The following SPTBN5 variants were observed in gnomAD, a reference collection of about 807,000 sequenced individuals.
SPTBN5 encodes the protein spectrin beta, non-erythrocytic 5.
Under a neutral mutation model 477.6 loss-of-function variants are expected in SPTBN5, and 513 were observed. The ratio of observed to expected loss-of-function variants is 1.07; its 90% CI spans 1.00 to 1.16. SPTBN5 has a LOEUF of 1.16. Among genes scored for constraint, SPTBN5 ranks in the 50% most tolerant of loss-of-function variants. SPTBN5 has a pLI of 0.00. For missense variants in SPTBN5, 5,062 were observed against 4,731.8 expected (o/e 1.07, Z -2.05); for synonymous variants, 2,169 against 2,011.7 (o/e 1.08, Z -2.09).
rs1389798448 is a variant in SPTBN5 at position 41,851,048 on chromosome 15, T to C, written c.10835+11A>G. On this transcript the variant is annotated intron_variant, in intron 65 of 67. Transcript: ENST00000320955. ...TGGGGGTGATGCCGGAGTCCATGTC[T>C]CTCCGCTCACCTTAAGGAGAATGTG... 2 of 1,609,536 alleles carry C rather than the reference T, an allele frequency of 1.2e-6. No homozygotes were observed. Among genetic ancestry groups the C allele is most frequent in the South Asian group, 1.1e-5 (1 of 90,242 alleles).
At chr15:41,879,536 A>T in intron 15 of SPTBN5, 37 bp from the exon 16 acceptor site, 1 of 1,525,668 alleles carries the variant, frequency 6.6e-7, no homozygotes, top group Non-Finnish European at 8.8e-7. Context: ...CACAACAGGG[A>T]CACCTCCCCA....
Position 41,868,414 on chromosome 15 carries a change from C to T in SPTBN5, c.6041G>A (p.Gly2014Glu). Residue 2014 changes from glycine (G) to glutamate (E), a missense_variant, in exon 33 of 68, where the codon GGG (glycine) becomes GAG (glutamate). Coordinates refer to ENST00000320955, the MANE Select transcript of SPTBN5 (RefSeq NM_016642.4). The part of the protein sequence containing the change: ...QLGQQALLAA[G>E]TPTKEVQEEL... The stretch of plus-strand genomic sequence containing the variant: ...GGGGCCCACCTCCTTGGTGGGTGTC[C>T]CTGCAGCAAGAAGTGCCTGCTGCCC... 1 of 1,604,018 alleles carries T rather than the reference C, an allele frequency of 6.2e-7. No individual in the cohort carries two copies. The highest frequency in any genetic ancestry group is 8.5e-7 in the Non-Finnish European group (1 of 1,174,200).
chr15:41,852,902 C>A lies in SPTBN5; in HGVS notation c.10269G>T (p.Gln3423His), dbSNP rs372964476. 2.1e-4 allele frequency: 338 copies of A among 1,607,190 alleles called. 1 individual carries two copies. The highest frequency in any genetic ancestry group is 9.3e-4 in the Admixed American group (55 of 59,148). Reference sequence around the variant, plus strand: ...CCTGCTCCAGCCTCTGCCGAAGCTTCTGCAGGCCCCAGCTCTCGGCACAGC... The same window carrying A: ...CCTGCTCCAGCCTCTGCCGAAGCTTATGCAGGCCCCAGCTCTCGGCACAGC... Reference protein sequence around the residue: ...WQRCAESWGLQKLRQRLEQAE... With the variant: ...WQRCAESWGLHKLRQRLEQAE... Residue 3423 changes from glutamine to histidine, a missense_variant, in exon 60 of 68, where the codon CAG becomes CAT. Physicochemically the swap from Gln to His is conservative, Grantham distance 24. Coordinates refer to ENST00000320955, the MANE Select transcript of SPTBN5 (RefSeq NM_016642.4).
intron 32 of SPTBN5, 70 bp from the exon 33 acceptor site, chr15:41,868,671 G>C: frequency 6.6e-7 from 1 of 1,507,482 alleles, no homozygotes; most frequent in Non-Finnish European, 9.0e-7. Context: ...AGGTGCTGAG[G>C]CAACTGCAGC....
rs2067008626 is a variant in SPTBN5, at chr15:41,882,623, C to T, written c.2008G>A (p.Asp670Asn). 6.2e-7 allele frequency: 1 copy of T among 1,606,806 alleles called. No individual in the cohort carries two copies. Among genetic ancestry groups the T allele is most frequent in the Non-Finnish European group, 8.5e-7 (1 of 1,177,606 alleles). ...AGGGCGCCTGCGATCTGGCTGAGAT[C>T]CCGGCCCAGGGCCGCATTCCCCACC... ...QRVGNAALGR[D>N]LSQIAGALQK... The change falls in exon 10 of 68, where the codon GAT (aspartate) becomes AAT (asparagine). Residue 670 changes from aspartate (D) to asparagine (N), a missense_variant. Physicochemically the swap from Asp to Asn is conservative, Grantham distance 23 (BLOSUM62 1). Transcript: ENST00000320955.
Position 41,874,002 on chromosome 15 carries a change from C to T in SPTBN5, c.4733G>A (p.Arg1578Gln), listed in dbSNP as rs200903669. ...CAGGCTCCGCCCAGAACTCAGCACC[C>T]GTTGCACCTGCCCCTGGTGAGCTTT... ...EVKAHQGQVQ[R>Q]VLSSGRSLAA... The change falls in exon 25 of 68, where the codon CGG becomes CAG. Residue 1578 changes from arginine to glutamine, a missense_variant. By Grantham distance (43) the Arg-to-Gln change is conservative. Coordinates refer to ENST00000320955, the MANE Select transcript of SPTBN5 (RefSeq NM_016642.4). 225 of 1,602,856 alleles carry T rather than the reference C, an allele frequency of 1.4e-4. No homozygotes were observed. The highest frequency in any genetic ancestry group is 1.7e-4 in the Non-Finnish European group (203 of 1,179,584).
chr15:41,855,571 C>T lies in SPTBN5; in HGVS notation c.9196G>A (p.Glu3066Lys). Residue 3066 changes from glutamate (E) to lysine (K), a missense_variant, in exon 54 of 68, where the codon GAG becomes AAG. Glu to Lys is a moderately conservative substitution (Grantham distance 56, BLOSUM62 1). Coordinates refer to ENST00000320955, the MANE Select transcript of SPTBN5 (RefSeq NM_016642.4). ...CACCTTTCTGGGTTCTTCCTGCTCT[C>T]CAGGAGTGCTGCTGTCTGCTGCAGC... Reference protein sequence around the residue: ...ERLQQTAALLESRKNPESPKV... With the variant: ...ERLQQTAALLKSRKNPESPKV... The T allele has an allele frequency of 1.2e-6, 2 of 1,612,046 alleles. No individual in the cohort carries two copies. Among genetic ancestry groups the T allele is most frequent in the Non-Finnish European group, 8.5e-7 (1 of 1,179,596 alleles).
chr15:41,874,837 C>T lies in SPTBN5; in HGVS notation c.4502+5G>A, dbSNP rs1404949508. On this transcript the variant is annotated splice_donor_5th_base_variant and intron_variant, in intron 23 of 67. Coordinates refer to ENST00000320955, the MANE Select transcript of SPTBN5 (RefSeq NM_016642.4). ...CACACAGGTGGGTGGGAGGACAGAC[C>T]CCACCTCCGGAGGTGCTTCTGGGTC... 2 of 1,599,544 alleles carry T rather than the reference C, an allele frequency of 1.3e-6. No homozygotes were observed. The highest frequency in any genetic ancestry group is 3.4e-5 in the Admixed American group (2 of 59,650).
intron 7 of SPTBN5, 115 bp downstream of exon 7, chr15:41,885,620 C>T: frequency 1.6e-6 from 2 of 1,280,840 alleles, no homozygotes; most frequent in South Asian, 3.0e-5. Flanking sequence ...GATCCCTGAA[C>T]CCATAAATCA....
Position 41,858,680 on chromosome 15 carries a change from C to A in SPTBN5, c.8148G>T (p.Leu2716=), listed in dbSNP as rs369073434. ...LEEGLLDTAM[L]PAQLQKQQNF... Reference sequence around the variant, plus strand: ...TCTGCTGCTTCTGTAACTGTGCTGGCAGCATGGCTGTGTCCAGCAAACCCT... The same window carrying A: ...TCTGCTGCTTCTGTAACTGTGCTGGAAGCATGGCTGTGTCCAGCAAACCCT... Residue 2716 remains leucine, a synonymous_variant, in exon 49 of 68, where the codon CTG becomes CTT. Transcript: ENST00000320955. The A allele has an allele frequency of 7.5e-6, 12 of 1,610,532 alleles. No homozygotes were observed. In the African/African-American group the frequency reaches 1.5e-4, roughly 20 times the overall value.
Position 41,850,133 on chromosome 15 carries a change from T to G in SPTBN5, c.10922-174A>C. 2 of 609,792 alleles carry G rather than the reference T, an allele frequency of 3.3e-6. 1 individual carries two copies. The highest frequency in any genetic ancestry group is 3.8e-5 in the South Asian group (2 of 52,074). 37.8% of individuals were successfully genotyped at this position (609,792 alleles called of 1,614,324 possible). On this transcript the variant is annotated intron_variant, in intron 66 of 67. Coordinates refer to ENST00000320955, the MANE Select transcript of SPTBN5 (RefSeq NM_016642.4). ...CGGGCTGAGCACTTGTGGGCAGGTT[T>G]TTCCCCCATGCGTCCTGCCTCTTAG...
chr15:41,849,931 G>T lies in SPTBN5; in HGVS notation c.10950C>A (p.Ala3650=). 1 of 1,596,608 alleles carries T rather than the reference G, an allele frequency of 6.3e-7. No homozygotes were observed. The highest frequency in any genetic ancestry group is 1.1e-5 in the South Asian group (1 of 88,014). ...ACTCATTCAGAGAGCTGACAGGTTT[G>T]GCTTTGAGTTTTGGGCTCAGACTCT... is the stretch of plus-strand genomic sequence containing the variant. ...AAQSLSPKLK[A]KPVSSLNECT... Residue 3650 remains alanine, a synonymous_variant, in exon 67 of 68, where the codon GCC becomes GCA. Coordinates refer to ENST00000320955, the MANE Select transcript of SPTBN5 (RefSeq NM_016642.4).
In SPTBN5 at chr15:41,893,551, A is replaced by C; in HGVS notation, c.-49-5T>G. 6.5e-7 allele frequency: 1 copy of C among 1,532,046 alleles called. No individual in the cohort carries two copies. The highest frequency in any genetic ancestry group is 8.7e-7 in the Non-Finnish European group (1 of 1,144,708). 94.9% of individuals were successfully genotyped at this position (1,532,046 alleles called of 1,614,324 possible). A position where few individuals can be genotyped will look rare whatever the true frequency, so the allele number is the denominator to read the frequency against. On this transcript the variant is annotated splice_polypyrimidine_tract_variant and splice_region_variant and intron_variant, in intron 1 of 67. Transcript: ENST00000320955. ...CTGCTGGATGGCTCCCTAAACCTGGAGGGCATGCAGATTAGGGGATGATGT... is the reference window on the plus strand; with the variant it reads ...CTGCTGGATGGCTCCCTAAACCTGGCGGGCATGCAGATTAGGGGATGATGT...
intron 17 of SPTBN5, 124 bp downstream of exon 17, chr15:41,878,218 A>G (rs2066811899): frequency 3.3e-6 from 4 of 1,197,984 alleles, no homozygotes; most frequent in Admixed American, 5.1e-5. Flanking sequence ...CCAGACACCA[A>G]CCAGTCTGGG....
chr15:41,871,291 G>A (rs1377199534), intron 29 of SPTBN5, 84 bp downstream of exon 29: 1 of 1,316,656 alleles, frequency 7.6e-7, no homozygotes. Context: ...CTCACAGCAT[G>A]CCATCCTCTC....
rs1482391857 is a variant in SPTBN5 at position 41,886,198 on chromosome 15, T to C, written c.1057A>G (p.Thr353Ala). ...TGTAGCCGGGGTGGCTTCTCCTGGGTGCGGAAGATGGTGAATGCTGCCAGT... is the reference window on the plus strand; with the variant it reads ...TGTAGCCGGGGTGGCTTCTCCTGGGCGCGGAAGATGGTGAATGCTGCCAGT... ...QLLAAFTIFR[T>A]QEKPPRLQQR... Residue 353 changes from threonine (T) to alanine (A), a missense_variant, in exon 7 of 68, where the codon ACC becomes GCC. By Grantham distance (58) the Thr-to-Ala change is moderately conservative. Coordinates refer to ENST00000320955, the MANE Select transcript of SPTBN5 (RefSeq NM_016642.4). 2 of 1,612,996 alleles carry C rather than the reference T, an allele frequency of 1.2e-6. No homozygotes were observed. Among genetic ancestry groups the C allele is most frequent in the Non-Finnish European group, 1.7e-6 (2 of 1,179,878 alleles).
chr15:41,863,786 T>C lies in SPTBN5; in HGVS notation c.7067A>G (p.Tyr2356Cys), dbSNP rs1351613155. 10 of 1,613,852 alleles carry C rather than the reference T, an allele frequency of 6.2e-6. No homozygotes were observed. The highest frequency in any genetic ancestry group is 2.2e-5 in the East Asian group (1 of 44,888). The change falls in exon 41 of 68, where the codon TAC becomes TGC. Residue 2356 changes from tyrosine to cysteine, a missense_variant. Tyr to Cys is a radical substitution (Grantham distance 194, BLOSUM62 -2). Transcript: ENST00000320955. ...CAAGGCCCCTTCGAGCTGCTGCTGG[T>C]ACCGGAGCAAGTTGCCATGGAAACT... ...WASFHGNLLR[Y>C]QQQLEGALEI...
chr15:41,850,969 A>G (rs1291070773), intron 65 of SPTBN5, 30 bp from the exon 66 acceptor site: 1 of 1,592,794 alleles, frequency 6.3e-7, no homozygotes, highest in Non-Finnish European at 8.5e-7. Flanking sequence ...GTCAAACTCC[A>G]CTGTCCCTTT....
chr15:41,866,618 T>C (rs2066326102), intron 36 of SPTBN5, 125 bp from the exon 37 acceptor site: 3 of 1,151,716 alleles, frequency 2.6e-6, no homozygotes, highest in Non-Finnish European at 3.5e-6. Flanking sequence ...ACCTGGTAAA[T>C]GAGCCCTGAA....
Sources: allele counts gnomAD v4.1 joint callset, GRCh38; gene constraint gnomAD v4.1.1; transcripts MANE v1.5; gene names NCBI Gene and HGNC (gene_info 2026-07-23, HGNC 2026-07-21).